The following SHPRH variants were observed in gnomAD, a reference collection of about 807,000 sequenced individuals.
SHPRH encodes the protein E3 ubiquitin-protein ligase SHPRH.
A neutral mutation model predicts 202.5 loss-of-function variants in SHPRH; 106 were observed. That is an observed-to-expected ratio of 0.52 (90% CI 0.45 to 0.62). The LOEUF (loss-of-function observed/expected upper bound fraction) is 0.62, where lower values mean the gene tolerates loss of function less well. SHPRH is among the 20% of genes least tolerant of loss of function. SHPRH has a pLI of 0.00. For missense variants in SHPRH, 1,710 were observed against 2,020.0 expected (o/e 0.85, Z 2.94); for synonymous variants, 729 against 686.0 (o/e 1.06, Z -0.98).
At chr6:145,915,967 T>C (rs934340619) in intron 23 of SHPRH, among the ~76,000 whole-genome samples, 5 of 152,126 alleles carry the variant, frequency 3.3e-5, no homozygotes, top group African/African-American at 1.2e-4. Flanking sequence ...ACAAGTATGC[T>C]AGATCTATGA....
At chr6:145,893,532 A>G in intron 27 of SHPRH, 139 bp from the exon 28 acceptor site, 1 of 743,278 alleles carries the variant, frequency 1.3e-6, no homozygotes, top group Non-Finnish European at 2.0e-6. Flanking sequence ...ATGCAAAATT[A>G]CCAACTTTAG....
At chr6:145,902,874 T>G (rs757553177) in intron 25 of SHPRH, among the ~76,000 whole-genome samples, 19 of 152,106 alleles carry the variant, frequency 1.2e-4, no homozygotes, top group Non-Finnish European at 2.5e-4. Context: ...GTCCTCTACC[T>G]TTTAATGGAG....
In SHPRH at chr6:145,947,591, C is replaced by T; in HGVS notation, c.1114G>A (p.Ala372Thr). The T allele has an allele frequency of 6.2e-7, 1 of 1,612,892 alleles. No individual in the cohort carries two copies. The highest frequency in any genetic ancestry group is 8.5e-7 in the Non-Finnish European group (1 of 1,179,282). Residue 372 changes from alanine (A) to threonine (T), a missense_variant, in exon 6 of 30, where the codon GCA becomes ACA. By Grantham distance (58) the Ala-to-Thr change is moderately conservative. Coordinates refer to ENST00000275233, the MANE Select transcript of SHPRH (RefSeq NM_001042683.3). Reference protein sequence around the residue: ...SGPQLLGGILADEMGLGKTVE... With the variant: ...SGPQLLGGILTDEMGLGKTVE... Reference sequence around the variant, plus strand: ...GTCTTTCCAAGACCCATCTCATCTGCTAAAATTCCACCAAGCAACTGCGGC... The same window carrying T: ...GTCTTTCCAAGACCCATCTCATCTGTTAAAATTCCACCAAGCAACTGCGGC...
At chr6:145,887,283 T>TA (rs1781114663) in intron 29 of SHPRH, among the ~76,000 whole-genome samples, 1 of 152,162 alleles carries the variant, frequency 6.6e-6, no homozygotes, top group African/African-American at 2.4e-5. Context: ...AATTTCTAGT[T>TA]TCAAATTGCT....
intron 16 of SHPRH, among the ~76,000 whole-genome samples, chr6:145,925,945 C>T (rs1038130107): frequency 6.6e-6 from 1 of 151,844 alleles, no homozygotes; most frequent in Non-Finnish European, 1.5e-5. Context: ...ATTTACATCC[C>T]ATTCTGTTGG....
chr6:145,927,606 T>C (rs1784998729), intron 14 of SHPRH, among the ~76,000 whole-genome samples: 1 of 151,858 alleles, frequency 6.6e-6, no homozygotes, highest in Non-Finnish European at 1.5e-5. Context: ...CAAAAAAATT[T>C]CCTCTTGCTG....
chr6:145,950,267 T>G lies in SHPRH; in HGVS notation c.979A>C (p.Thr327Pro). Residue 327 changes from threonine (T) to proline (P), a missense_variant, in exon 4 of 30, where the codon ACT (threonine) becomes CCT (proline). Around this residue, in one of 8 missense-constraint regions of SHPRH, gnomAD observed 459 missense variants for 426.5 expected, o/e 1.08. Coordinates refer to ENST00000275233, the MANE Select transcript of SHPRH (RefSeq NM_001042683.3). ...QQECFRSSPA[T>P]ESALHFLWRE... is the part of the protein sequence containing the mutation. ...TCTTTAAACATCTTATTCTTACCAGTAGCAGGACTGCTTCTGAAACACTCT... is the reference window on the plus strand; with the variant it reads ...TCTTTAAACATCTTATTCTTACCAGGAGCAGGACTGCTTCTGAAACACTCT... 1 of 1,612,100 alleles carries G rather than the reference T, an allele frequency of 6.2e-7. No individual in the cohort carries two copies. The highest frequency in any genetic ancestry group is 1.1e-5 in the South Asian group (1 of 91,044).
chr6:145,894,870 A>G lies in SHPRH; in HGVS notation c.4608+15T>C. 1 of 1,610,492 alleles carries G rather than the reference A, an allele frequency of 6.2e-7. No homozygotes were observed. The highest frequency in any genetic ancestry group is 8.5e-7 in the Non-Finnish European group (1 of 1,177,534). On this transcript the variant is annotated intron_variant, in intron 26 of 29. Coordinates refer to ENST00000275233, the MANE Select transcript of SHPRH (RefSeq NM_001042683.3). ...CAGTTCGAATTAATATTGAGGATGA[A>G]AATGTTGATTATACCGTTGAGAAAA...
At chr6:145,865,483 T>C (rs1452089582) in intron 2 of SHPRH, among the ~76,000 whole-genome samples, 1 of 152,190 alleles carries the variant, frequency 6.6e-6, no homozygotes, top group Non-Finnish European at 1.5e-5. Context: ...ACGAATAAAA[T>C]CTATTGTTTC....
chr6:145,872,722 T>A (rs1047748538), intron 2 of SHPRH, among the ~76,000 whole-genome samples: 1 of 152,186 alleles, frequency 6.6e-6, no homozygotes, highest in African/African-American at 2.4e-5. Flanking sequence ...CATTTTCTTA[T>A]AAAGACACAT....
chr6:145,888,167 C>T (rs1164667255), intron 28 of SHPRH, 67 bp from the exon 29 acceptor site: 13 of 1,150,614 alleles, frequency 1.1e-5, no homozygotes, highest in Non-Finnish European at 3.8e-6. Context: ...ACCGACTTCA[C>T]ATTTTATATG....
At chr6:145,941,440 A>G (rs112778277) in intron 10 of SHPRH, among the ~76,000 whole-genome samples, 183 bp downstream of exon 10, 10 of 152,240 alleles carry the variant, frequency 6.6e-5, no homozygotes, top group African/African-American at 2.4e-4. Context: ...GTACAGAACT[A>G]ATTTCAAAGG....
chr6:145,926,861 G>A (rs1189646135), intron 15 of SHPRH, among the ~76,000 whole-genome samples: 1 of 151,872 alleles, frequency 6.6e-6, no homozygotes, highest in East Asian at 1.9e-4. Context: ...TGAAAACCAT[G>A]TGAATAAATA....
Position 145,916,510 on chromosome 6 carries a change from TA to T in SHPRH, c.4254+1620del, listed in dbSNP as rs148787352. On this transcript the variant is annotated intron_variant, in intron 23 of 29. Coordinates refer to ENST00000275233, the MANE Select transcript of SHPRH (RefSeq NM_001042683.3). ...TTCACCACTGGGGTGTGTAATCATT[TA>T]AAAAATCTGTGCCTAATTGTTGGCA... 4.2e-3 allele frequency among the ~76,000 whole-genome samples: 635 copies of T among 152,274 alleles called. 18 individuals are homozygous for T. The East Asian group carries it at 0.071, about 17-fold the overall frequency.
chr6:145,915,399 T>G (rs969488024), intron 23 of SHPRH, among the ~76,000 whole-genome samples: 9 of 151,848 alleles, frequency 5.9e-5, no homozygotes, highest in Admixed American at 5.3e-4. Context: ...TTACTGTAGT[T>G]GCATCCTTCA....
chr6:145,943,132 A>G lies in SHPRH; in HGVS notation c.2238+11T>C. 1 of 1,562,720 alleles carries G rather than the reference A, an allele frequency of 6.4e-7. No individual in the cohort carries two copies. The highest frequency in any genetic ancestry group is 8.7e-7 in the Non-Finnish European group (1 of 1,154,400). On this transcript the variant is annotated intron_variant, in intron 9 of 29. Coordinates refer to ENST00000275233, the MANE Select transcript of SHPRH (RefSeq NM_001042683.3). The stretch of plus-strand genomic sequence containing the variant: ...CATTTTCCTCTCCCTCTTTAGTCCA[A>G]GTGGCCTTACCAAGACTCGAAGAGA...
chr6:145,917,419 A>T (rs1215019073), intron 23 of SHPRH: 1 of 152,130 alleles, frequency 6.6e-6, no homozygotes, highest in African/African-American at 2.4e-5. Flanking sequence ...TCGCCATGCT[A>T]TATCTATAAT....
chr6:145,919,767 A>C (rs1473942350), intron 21 of SHPRH, among the ~76,000 whole-genome samples: 2 of 152,088 alleles, frequency 1.3e-5, no homozygotes, highest in Non-Finnish European at 2.9e-5. Flanking sequence ...GGCTGACAGA[A>C]TCTCTTGTTT....
rs767011894 is a variant in SHPRH, at chr6:145,923,759, T to C, written c.3429A>G (p.Leu1143=). ...ATTCTATTGCTCTGTGGATCACATT[T>C]AGCCACCAAGGAGAATTAGAATGAA... The part of the protein sequence containing the change: ...RKIHSNSPWW[L]NVIHRAIEFT... Residue 1143 remains leucine, a synonymous_variant, in exon 18 of 30, where the codon CTA becomes CTG. Coordinates refer to ENST00000275233, the MANE Select transcript of SHPRH (RefSeq NM_001042683.3). The C allele has an allele frequency of 1.2e-6, 2 of 1,610,156 alleles. No individual in the cohort carries two copies. The highest frequency in any genetic ancestry group is 1.7e-6 in the Non-Finnish European group (2 of 1,177,738).
Sources: allele counts gnomAD v4.1 joint callset (sites outside exome capture counted in the v4.1 genomes callset), GRCh38; gene constraint gnomAD v4.1.1; regional missense constraint gnomAD v4.1.1; transcripts MANE v1.5; gene names NCBI Gene and HGNC (gene_info 2026-07-23, HGNC 2026-07-21).